Variants in CORO2B observed in about 807,000 individuals in gnomAD.
CORO2B encodes coronin-2B.
CORO2B carries 26 observed loss-of-function variants against 58.8 expected under a neutral mutation model. That is an observed-to-expected ratio of 0.44 (90% confidence interval 0.32 to 0.61). The LOEUF (loss-of-function observed/expected upper bound fraction) is 0.61, where lower values mean the gene tolerates loss of function less well. Ranked by LOEUF, CORO2B falls within the 20% of genes least tolerant of loss-of-function variation. The pLI is 0.04. For synonymous variants in CORO2B, 242 were observed against 253.8 expected, an observed-to-expected ratio of 0.95 and a Z score of 0.44; for missense variants, 460 against 645.1, an observed-to-expected ratio of 0.71 and a Z score of 3.11.
intron 2 of CORO2B, among the ~76,000 whole-genome samples, chr15:68,669,646 T>A (rs898578437): frequency 6.6e-5 from 10 of 152,054 alleles, no homozygotes; most frequent in African/African-American, 1.7e-4. Context: ...GAAAAAAAAA[T>A]TCAACTTTCT....
Position 68,607,938 on chromosome 15 carries a change from T to C in CORO2B, c.15+28661T>C, listed in dbSNP as rs561565620. 1.6e-3 allele frequency among the ~76,000 whole-genome samples: 248 copies of C among 152,300 alleles called. 4 individuals carry two copies. The highest frequency in any genetic ancestry group is 5.8e-3 in the African/African-American group (240 of 41,570). On this transcript the variant is annotated intron_variant, in intron 1 of 11. Transcript: ENST00000261861. ...CAAGACCCCAGGGCCTTTATCATCT[T>C]CTTGTCAAAATCACATGCCCTTGGG...
chr15:68,717,666 G>A (rs1893063882), intron 8 of CORO2B, among the ~76,000 whole-genome samples: 1 of 114,582 alleles, frequency 8.7e-6, no homozygotes, highest in Non-Finnish European at 2.0e-5. Context: ...CTCACCTGAG[G>A]CAGGTCTTAT....
Position 68,579,014 on chromosome 15 carries a change from G to A in CORO2B, c.-249G>A. The A allele has an allele frequency of 5.1e-6, 5 of 984,206 alleles. No homozygotes were observed. Among genetic ancestry groups the A allele is most frequent in the Non-Finnish European group, 6.0e-6 (5 of 829,672 alleles). The allele number at this position is 984,206 out of a possible 1,614,324, so 61.0% of individuals were successfully genotyped here. A position where few individuals can be genotyped will look rare whatever the true frequency, so the allele number is the denominator to read the frequency against. ...CTTTCTTCCTGCCTCGCCTTCCTGC[G>A]GCGAAGGAGGCTCATCTATTATAAA... On this transcript the variant is annotated 5_prime_UTR_variant, in exon 1 of 12. Coordinates refer to ENST00000261861, the MANE Select transcript of CORO2B (RefSeq NM_006091.5).
chr15:68,687,550 T>C (rs546551284), intron 2 of CORO2B, among the ~76,000 whole-genome samples: 1 of 152,362 alleles, frequency 6.6e-6, no homozygotes, highest in Non-Finnish European at 1.5e-5. Flanking sequence ...GGCCCGGCCA[T>C]GGCTGCCTGA....
intron 2 of CORO2B, among the ~76,000 whole-genome samples, chr15:68,690,895 T>C (rs1403840579): frequency 6.8e-6 from 1 of 147,312 alleles, no homozygotes; most frequent in Non-Finnish European, 1.5e-5. Context: ...GCTTAAACGA[T>C]CCACCTGCCT....
At chr15:68,721,712 T>C (rs1893164950) in intron 11 of CORO2B, among the ~76,000 whole-genome samples, 1 of 150,620 alleles carries the variant, frequency 6.6e-6, no homozygotes, top group East Asian at 2.0e-4. Flanking sequence ...TATATAACAT[T>C]TTTCATTTAA....
At chr15:68,606,916 CTG>C (rs1419676988) in intron 1 of CORO2B, among the ~76,000 whole-genome samples, 2 of 152,162 alleles carry the variant, frequency 1.3e-5, no homozygotes, top group East Asian at 1.9e-4. Flanking sequence ...CCTCCATTGA[CTG>C]TGGATTGACT....
chr15:68,599,757 C>T (rs961941592), intron 1 of CORO2B, among the ~76,000 whole-genome samples: 1 of 152,206 alleles, frequency 6.6e-6, no homozygotes, highest in East Asian at 1.9e-4. Context: ...CTCCCCTCCC[C>T]TGGGAGGCTG....
Position 68,579,110 on chromosome 15 carries a change from G to T in CORO2B, c.-153G>T, listed in dbSNP as rs1899345711. The T allele has an allele frequency of 5.1e-6, 5 of 982,480 alleles. No homozygotes were observed. Among genetic ancestry groups the T allele is most frequent in the South Asian group, 9.3e-5 (2 of 21,572 alleles). 60.9% of individuals were successfully genotyped at this position (982,480 alleles called of 1,614,324 possible). A position where few individuals can be genotyped will look rare whatever the true frequency, so the allele number is the denominator to read the frequency against. On this transcript the variant is annotated 5_prime_UTR_variant, in exon 1 of 12. Transcript: ENST00000261861. ...GACGAGCGGTCCCTGCGCGCTGCCC[G>T]CCCGGAGCGCAGCCCCCAGGCTCGG...
At position 68,726,082 on chromosome 15, in the gene CORO2B, G is replaced by T; in HGVS notation, c.*108G>T. The T allele has an allele frequency of 7.0e-7, 1 of 1,433,452 alleles. No homozygotes were observed. Among genetic ancestry groups the T allele is most frequent in the Non-Finnish European group, 9.4e-7 (1 of 1,060,120 alleles). 88.8% of individuals were successfully genotyped at this position (1,433,452 alleles called of 1,614,324 possible). On this transcript the variant is annotated 3_prime_UTR_variant, in exon 12 of 12. Transcript: ENST00000261861. ...AGACAGAGCCAGGACAGGAGTGGGG[G>T]CCAGCCTGAGGACCCCCGCCTACCA...
At chr15:68,626,317 T>C (rs1595975773) in intron 1 of CORO2B, among the ~76,000 whole-genome samples, 1 of 152,210 alleles carries the variant, frequency 6.6e-6, no homozygotes, top group East Asian at 1.9e-4. Context: ...TTCTGATTTT[T>C]GATTTTTGAA....
At chr15:68,627,669 A>T (rs1273553044) in intron 1 of CORO2B, among the ~76,000 whole-genome samples, 1 of 152,004 alleles carries the variant, frequency 6.6e-6, no homozygotes, top group Non-Finnish European at 1.5e-5. Flanking sequence ...GGACGGGGAG[A>T]TGTAAGCAGG....
At chr15:68,571,692 A>G in the CORO2B span, among the ~76,000 whole-genome samples, 95 of 152,338 alleles carry the variant, frequency 6.2e-4, no homozygotes, top group African/African-American at 2.1e-3. Context: ...CATTCGCCCA[A>G]GGCACTGCAC....
intron 2 of CORO2B, among the ~76,000 whole-genome samples, chr15:68,652,984 C>G (rs1901687919): frequency 6.6e-6 from 1 of 152,182 alleles, no homozygotes; most frequent in Non-Finnish European, 1.5e-5. Flanking sequence ...TTTATTACAC[C>G]TCTCTGATGA....
chr15:68,680,541 A>T (rs1313980811), intron 2 of CORO2B, among the ~76,000 whole-genome samples: 1 of 152,170 alleles, frequency 6.6e-6, no homozygotes, highest in East Asian at 1.9e-4. Flanking sequence ...TGTACAGGGG[A>T]TCCTGATTAG....
At chr15:68,569,026 TAC>T in the CORO2B span, among the ~76,000 whole-genome samples, 1 of 151,638 alleles carries the variant, frequency 6.6e-6, no homozygotes, top group Non-Finnish European at 1.5e-5. Context: ...AGAAGAAAAA[TAC>T]ACTAAGTTCC....
At chr15:68,678,406 G>A (rs1391642617) in intron 2 of CORO2B, among the ~76,000 whole-genome samples, 1 of 152,156 alleles carries the variant, frequency 6.6e-6, no homozygotes, top group Non-Finnish European at 1.5e-5. Context: ...GCAGGCGGTG[G>A]TTCACACCTG....
chr15:68,526,307 T>C, the CORO2B span, among the ~76,000 whole-genome samples: 1 of 152,232 alleles, frequency 6.6e-6, no homozygotes, highest in Admixed American at 6.5e-5. Flanking sequence ...CTGGGTCATA[T>C]AATAAATGTA....
the CORO2B span, among the ~76,000 whole-genome samples, chr15:68,538,026 T>A: frequency 0.95 from 144,280 of 152,316 alleles, 68,432 homozygotes; most frequent in East Asian, 1. Context: ...GTGGAACAAT[T>A]AAGTATATCC....
Sources: allele counts gnomAD v4.1 joint callset (sites outside exome capture counted in the v4.1 genomes callset), GRCh38; gene constraint gnomAD v4.1.1; transcripts MANE v1.5; gene names NCBI Gene and HGNC (gene_info 2026-07-23, HGNC 2026-07-21).